The following HMCN1 variants were observed in gnomAD, a reference collection of about 807,000 sequenced individuals.
HMCN1 encodes the protein hemicentin-1.
A neutral mutation model predicts 625.9 loss-of-function variants in HMCN1; 321 were observed. That is an observed-to-expected ratio of 0.51 (90% CI 0.47 to 0.56). HMCN1 has a LOEUF of 0.56. Ranked by LOEUF, HMCN1 falls within the 20% of genes least tolerant of loss-of-function variation. HMCN1 has a pLI of 0.00. For synonymous variants in HMCN1, 2,425 were observed against 2,417.6 expected (o/e 1.00, Z -0.09); for missense variants, 6,588 against 6,887.3 (o/e 0.96, Z 1.54).
chr1:186,012,768 T>C (rs1257068711), intron 30 of HMCN1, among the ~76,000 whole-genome samples: 2 of 152,192 alleles, frequency 1.3e-5, no homozygotes, highest in African/African-American at 2.4e-5. Flanking sequence ...AGAAATTTGC[T>C]ATGATAAAAC....
At chr1:185,904,472 A>G (rs1038160888) in intron 4 of HMCN1, among the ~76,000 whole-genome samples, 2 of 151,896 alleles carry the variant, frequency 1.3e-5, no homozygotes, top group African/African-American at 4.8e-5. Context: ...AAAAATATAC[A>G]GCTAATCTAT....
At chr1:185,828,829 C>T (rs532724492) in intron 1 of HMCN1, among the ~76,000 whole-genome samples, 1 of 152,178 alleles carries the variant, frequency 6.6e-6, no homozygotes, top group South Asian at 2.1e-4. Flanking sequence ...GTAATATAAA[C>T]ATGACATATC....
chr1:185,805,931 AT>A (rs906461975), intron 1 of HMCN1, among the ~76,000 whole-genome samples: 1 of 151,668 alleles, frequency 6.6e-6, no homozygotes, highest in African/African-American at 2.4e-5. Flanking sequence ...TTTTCCATTT[AT>A]TTTTTTTACA....
chr1:185,987,919 C>T (rs1390110079), intron 20 of HMCN1, among the ~76,000 whole-genome samples: 2 of 151,084 alleles, frequency 1.3e-5, no homozygotes, highest in Non-Finnish European at 1.5e-5. Context: ...GCATGTGGAA[C>T]TGACCAGTAG....
At chr1:186,183,572 G>A (rs1653084592) in intron 105 of HMCN1, among the ~76,000 whole-genome samples, 2 of 152,100 alleles carry the variant, frequency 1.3e-5, no homozygotes, top group Admixed American at 1.3e-4. Flanking sequence ...TTTTTCCAAA[G>A]CAACTGTTAT....
chr1:185,859,236 A>G (rs1423055485), intron 2 of HMCN1, among the ~76,000 whole-genome samples: 2 of 151,850 alleles, frequency 1.3e-5, no homozygotes, highest in Non-Finnish European at 2.9e-5. Context: ...AAATTAAAGC[A>G]ATTTAAATTT....
intron 15 of HMCN1, among the ~76,000 whole-genome samples, chr1:185,972,110 G>A (rs1225133349): frequency 1.3e-5 from 2 of 152,102 alleles, no homozygotes; most frequent in African/African-American, 4.8e-5. Flanking sequence ...ACATTTTCTA[G>A]TTCTCCTTCT....
chr1:186,183,676 T>C (rs1400402066), intron 105 of HMCN1, among the ~76,000 whole-genome samples: 1 of 152,176 alleles, frequency 6.6e-6, no homozygotes, highest in Non-Finnish European at 1.5e-5. Context: ...ATTCTAAAAC[T>C]AATTATCAGA....
At chr1:186,071,972 A>G (rs945518238) in intron 52 of HMCN1, among the ~76,000 whole-genome samples, 4 of 152,132 alleles carry the variant, frequency 2.6e-5, no homozygotes, top group African/African-American at 9.6e-5. Flanking sequence ...TAAAGACTAA[A>G]AGTGCACAGG....
At chr1:186,168,102 A>G (rs1651991657) in intron 100 of HMCN1, among the ~76,000 whole-genome samples, 1 of 151,782 alleles carries the variant, frequency 6.6e-6, no homozygotes, top group African/African-American at 2.4e-5. Context: ...GGAAACAACC[A>G]AAGAAAAAAG....
chr1:185,905,544 A>T (rs1472424111), intron 4 of HMCN1, among the ~76,000 whole-genome samples: 1 of 151,838 alleles, frequency 6.6e-6, no homozygotes, highest in Non-Finnish European at 1.5e-5. Flanking sequence ...GTAATGCATT[A>T]CATAAGAAAT....
Position 186,119,864 on chromosome 1 carries a change from A to G in HMCN1, c.12076A>G (p.Ile4026Val), listed in dbSNP as rs1244635931. Residue 4026 changes from isoleucine to valine, a missense_variant, in exon 79 of 107, where the codon ATC becomes GTC. Transcript: ENST00000271588. ...SPFITWQKEG[I>V]NVNTSGRNHA... ...TTTCATTACTTGGCAAAAAGAAGGC[A>G]TCAATGTTAACACTTCAGGTACCTA... 6.2e-7 allele frequency: 1 copy of G among 1,614,018 alleles called. No homozygotes were observed. Among genetic ancestry groups the G allele is most frequent in the Non-Finnish European group, 8.5e-7 (1 of 1,179,986 alleles).
Position 186,189,669 on chromosome 1 carries a change from A to G in HMCN1, c.16699A>G (p.Thr5567Ala). The G allele has an allele frequency of 1.2e-6, 2 of 1,612,186 alleles. No individual in the cohort carries two copies. Among genetic ancestry groups the G allele is most frequent in the Non-Finnish European group, 1.7e-6 (2 of 1,178,710 alleles). Residue 5567 changes from threonine to alanine, a missense_variant, in exon 107 of 107, where the codon ACA (threonine) becomes GCA (alanine). This residue lies in a region of HMCN1 where 1,954 missense variants were observed against 2,013.1 expected (regional missense o/e 0.97). Transcript: ENST00000271588. ...ACAGGATGGAGTGATGCATCCCAGG[A>G]CAACTTTCCTCATGGTAGATGAGGA... Reference protein sequence around the residue: ...YTQDGVMHPRTTFLMVDEEQT... With the variant: ...YTQDGVMHPRATFLMVDEEQT...
chr1:186,057,446 G>A (rs749425114), intron 46 of HMCN1, 45 bp downstream of exon 46: 18 of 1,310,010 alleles, frequency 1.4e-5, no homozygotes, highest in Admixed American at 1.7e-5. Flanking sequence ...AGCTTCATAC[G>A]GCTACAATTT....
At position 186,145,565 on chromosome 1, in the gene HMCN1, T is replaced by C; in HGVS notation, c.14429T>C (p.Met4810Thr). ...DSQIQRCNTD[M>T]CPVDGSWGSW... The stretch of plus-strand genomic sequence containing the variant: ...CAGATCCAGAGGTGCAACACTGACA[T>C]GTGTCCTGGTGAGCCTCTTGATTTC... Residue 4810 changes from methionine to threonine, a missense_variant, in exon 92 of 107, where the codon ATG becomes ACG. Transcript: ENST00000271588. The C allele has an allele frequency of 1.2e-6, 2 of 1,614,026 alleles. No individual in the cohort carries two copies. Among genetic ancestry groups the C allele is most frequent in the East Asian group, 2.2e-5 (1 of 44,850 alleles).
chr1:185,811,004 C>A (rs1659481603), intron 1 of HMCN1, among the ~76,000 whole-genome samples: 1 of 152,110 alleles, frequency 6.6e-6, no homozygotes, highest in Non-Finnish European at 1.5e-5. Context: ...CCATCCCACA[C>A]CCCCAATCTC....
In HMCN1 at chr1:186,062,521, T is replaced by A. The variant is rs1255563298; in HGVS notation, c.7434T>A (p.Pro2478=). ...GTTGTTGTTGTTTTTTAGTACCACC[T>A]CATATTGTGGGTGAAAATACATTGG... The part of the protein sequence containing the change: ...KIFGLSVLVP[P]HIVGENTLED... Residue 2478 remains proline, a synonymous_variant, in exon 48 of 107, where the codon CCT becomes CCA. Transcript: ENST00000271588. 1 of 1,603,286 alleles carries A rather than the reference T, an allele frequency of 6.2e-7. No individual in the cohort carries two copies. The highest frequency in any genetic ancestry group is 8.5e-7 in the Non-Finnish European group (1 of 1,170,362).
At chr1:185,885,867 T>G (rs1403183416) in intron 4 of HMCN1, among the ~76,000 whole-genome samples, 1 of 152,064 alleles carries the variant, frequency 6.6e-6, no homozygotes, top group Non-Finnish European at 1.5e-5. Flanking sequence ...CCAGTAATAC[T>G]GTGCTTTTCA....
At chr1:185,781,731 G>A (rs542642040) in intron 1 of HMCN1, among the ~76,000 whole-genome samples, 15 of 152,224 alleles carry the variant, frequency 9.9e-5, no homozygotes, top group African/African-American at 2.6e-4. Context: ...TATACTTTCC[G>A]TTCTTTTACA....
Sources: gnomAD v4.1 joint callset for allele counts (sites outside exome capture counted in the v4.1 genomes callset) on GRCh38, gnomAD v4.1.1 for gene constraint, gnomAD v4.1.1 regional missense constraint, MANE v1.5 for transcripts, NCBI Gene and HGNC (gene_info 2026-07-23, HGNC 2026-07-21) for gene names.